The following SCUBE1 variants were observed in gnomAD, a reference collection of about 807,000 sequenced individuals.
The protein encoded by SCUBE1 is signal peptide, CUB domain and EGF like domain containing 1.
Under a neutral mutation model 124.4 loss-of-function variants are expected in SCUBE1, and 59 were observed. The observed-to-expected ratio is 0.47, with a 90% CI of 0.38 to 0.59. The LOEUF is 0.59. Among genes scored for constraint, SCUBE1 ranks in the 20% least tolerant of loss-of-function variants. SCUBE1 has a pLI of 0.00. For synonymous variants in SCUBE1, 545 were observed against 550.9 expected (o/e 0.99, Z 0.15); for missense variants, 1,150 against 1,371.2 (o/e 0.84, Z 2.55).
At chr22:43,322,306 A>G (rs1392259338) in intron 2 of SCUBE1, among the ~76,000 whole-genome samples, 2 of 152,062 alleles carry the variant, frequency 1.3e-5, no homozygotes, top group Non-Finnish European at 2.9e-5. Flanking sequence ...ACTGAGAGAT[A>G]CTGATTACTT....
At chr22:43,340,700 A>G (rs1927285576) in intron 1 of SCUBE1, among the ~76,000 whole-genome samples, 1 of 152,168 alleles carries the variant, frequency 6.6e-6, no homozygotes, top group South Asian at 2.1e-4. Flanking sequence ...CTGGACTCTG[A>G]CACAGAATGA....
intron 2 of SCUBE1, among the ~76,000 whole-genome samples, chr22:43,324,090 C>T (rs1259415769): frequency 6.6e-6 from 1 of 152,186 alleles, no homozygotes; most frequent in Non-Finnish European, 1.5e-5. Context: ...TAGGGGATGT[C>T]TTCCCCTAGT....
At chr22:43,264,187 T>C (rs1002574874) in intron 4 of SCUBE1, among the ~76,000 whole-genome samples, 4 of 152,218 alleles carry the variant, frequency 2.6e-5, no homozygotes, top group African/African-American at 2.4e-5. Flanking sequence ...GTCCCTTTCT[T>C]AGAAAGGTCG....
intron 10 of SCUBE1, among the ~76,000 whole-genome samples, chr22:43,223,647 C>G (rs1402578424): frequency 6.6e-6 from 1 of 152,204 alleles, no homozygotes; most frequent in Non-Finnish European, 1.5e-5. Flanking sequence ...TCTGGAGAAA[C>G]AGCCCTCCAG....
At chr22:43,261,304 C>T (rs553381686) in intron 5 of SCUBE1, among the ~76,000 whole-genome samples, 7 of 152,220 alleles carry the variant, frequency 4.6e-5, no homozygotes, top group African/African-American at 1.7e-4. Flanking sequence ...CGAGACTGCC[C>T]GTTTGGTCCT....
Position 43,238,922 on chromosome 22 carries a change from G to C in SCUBE1, c.760C>G (p.Arg254Gly). Residue 254 changes from arginine (R) to glycine (G), a missense_variant, in exon 7 of 22, where the codon CGG becomes GGG. Transcript: ENST00000360835. ...TCAVNNGGCDRTCKDTATGVR... is the reference protein window; with the variant it reads ...TCAVNNGGCDGTCKDTATGVR... ...CCAGTGGCTGTGTCCTTGCATGTCC[G>C]GTCGCAGCCTCCGTTATTGACTGCG... 1 of 1,613,060 alleles carries C rather than the reference G, an allele frequency of 6.2e-7. No homozygotes were observed. Among genetic ancestry groups the C allele is most frequent in the Non-Finnish European group, 8.5e-7 (1 of 1,179,962 alleles).
chr22:43,315,991 G>A (rs1254330576), intron 3 of SCUBE1, among the ~76,000 whole-genome samples: 1 of 152,172 alleles, frequency 6.6e-6, no homozygotes, highest in East Asian at 1.9e-4. Flanking sequence ...CCACGTGTCA[G>A]GCACAGCCGT....
At chr22:43,305,684 G>A (rs1479063314) in intron 3 of SCUBE1, among the ~76,000 whole-genome samples, 1 of 152,192 alleles carries the variant, frequency 6.6e-6, no homozygotes, top group African/African-American at 2.4e-5. Flanking sequence ...GCCCTGGGGA[G>A]GGTCCCACTC....
chr22:43,238,765 G>T, intron 7 of SCUBE1, 73 bp downstream of exon 7: 1 of 1,250,324 alleles, frequency 8.0e-7, no homozygotes, highest in Non-Finnish European at 1.2e-6. Context: ...CCTGGGCCCG[G>T]CTATGCAAGC....
chr22:43,274,020 G>A (rs1481983518), intron 4 of SCUBE1, among the ~76,000 whole-genome samples: 1 of 152,120 alleles, frequency 6.6e-6, no homozygotes, highest in Admixed American at 6.5e-5. Flanking sequence ...CCCCTGCCCT[G>A]CCTCGTTTCT....
rs1374714638 is a variant in SCUBE1 at position 43,242,354 on chromosome 22, T to A, written c.728-3400A>T. ...CTCAGGACCAGAGGCCACCCAGACCTGGTATTAGGCCACAGCTGTCTCAGA... is the reference window on the plus strand; with the variant it reads ...CTCAGGACCAGAGGCCACCCAGACCAGGTATTAGGCCACAGCTGTCTCAGA... On this transcript the variant is annotated intron_variant, in intron 6 of 21. Transcript: ENST00000360835. 2.0e-5 allele frequency among the ~76,000 whole-genome samples: 3 copies of A among 152,160 alleles called. No individual in the cohort carries two copies. The East Asian group carries it at 5.8e-4, about 29-fold the overall frequency.
At position 43,214,194 on chromosome 22, in the gene SCUBE1, A is replaced by T. The variant is rs1454582276; in HGVS notation, c.1949T>A (p.Met650Lys). The change falls in exon 16 of 22, where the codon ATG (methionine) becomes AAG (lysine). Residue 650 changes from methionine to lysine, a missense_variant. Around this residue, in one of 3 missense-constraint regions of SCUBE1, gnomAD observed 757 missense variants for 840.9 expected, o/e 0.90. Coordinates refer to ENST00000360835, the MANE Select transcript of SCUBE1 (RefSeq NM_173050.5). ...TTCCATGTCCTGGTATGTTCCTGGC[A>T]TACATGACACACACTGGCCGAGCTC... ...GGELGQCVSCMPGTYQDMEGQ... is the reference protein window; with the variant it reads ...GGELGQCVSCKPGTYQDMEGQ... 1 of 1,613,126 alleles carries T rather than the reference A, an allele frequency of 6.2e-7. No homozygotes were observed. The highest frequency in any genetic ancestry group is 8.5e-7 in the Non-Finnish European group (1 of 1,179,918).
chr22:43,341,034 T>C (rs990439364), intron 1 of SCUBE1, among the ~76,000 whole-genome samples: 4 of 145,522 alleles, frequency 2.7e-5, no homozygotes, highest in Non-Finnish European at 6.1e-5. Context: ...TGCCCACCCC[T>C]GAAGGAAGAG....
At chr22:43,285,431 G>A (rs187356688) in intron 4 of SCUBE1, among the ~76,000 whole-genome samples, 36 of 152,300 alleles carry the variant, frequency 2.4e-4, no homozygotes, top group Non-Finnish European at 5.1e-4. Context: ...CAGAGATGTG[G>A]GGAACATAGT....
Position 43,238,785 on chromosome 22 carries a change from C to T in SCUBE1, c.844+53G>A, listed in dbSNP as rs562012352. Reference sequence around the variant, plus strand: ...GCCCGGCTATGCAAGCACACGGAGGCTCTTGGCCAGGCCAGTACAGGCAGG... The same window carrying T: ...GCCCGGCTATGCAAGCACACGGAGGTTCTTGGCCAGGCCAGTACAGGCAGG... On this transcript the variant is annotated intron_variant, in intron 7 of 21. Transcript: ENST00000360835. 3.5e-6 allele frequency: 5 copies of T among 1,445,988 alleles called. No homozygotes were observed. The Admixed American group carries it at 6.7e-5, about 19-fold the overall frequency. 89.6% of individuals were successfully genotyped at this position (1,445,988 alleles called of 1,614,324 possible). A position where few individuals can be genotyped will look rare whatever the true frequency, so the allele number is the denominator to read the frequency against.
chr22:43,250,557 T>C (rs1352834480), intron 6 of SCUBE1, among the ~76,000 whole-genome samples: 1 of 152,166 alleles, frequency 6.6e-6, no homozygotes, highest in Non-Finnish European at 1.5e-5. Context: ...TCGGACAAGG[T>C]GGAGCAGTTC....
In SCUBE1 at chr22:43,207,524, A is replaced by C. The variant is rs1921339608; in HGVS notation, c.2814+10T>G. 1.2e-6 allele frequency: 2 copies of C among 1,607,210 alleles called. No individual in the cohort carries two copies. The highest frequency in any genetic ancestry group is 2.7e-5 in the African/African-American group (2 of 74,714). On this transcript the variant is annotated intron_variant, in intron 21 of 21. Coordinates refer to ENST00000360835, the MANE Select transcript of SCUBE1 (RefSeq NM_173050.5). ...GGTTACGTGGATTCCCTTCCAATAA[A>C]CTCACTCACTTTCAAAATTTCCTGG...
chr22:43,273,992 C>A (rs901586950), intron 4 of SCUBE1, among the ~76,000 whole-genome samples: 1 of 152,190 alleles, frequency 6.6e-6, no homozygotes, highest in Admixed American at 6.5e-5. Context: ...CCCCTGCCTG[C>A]TGGCTCCTCA....
intron 4 of SCUBE1, among the ~76,000 whole-genome samples, chr22:43,289,439 C>T (rs2146749879): frequency 6.6e-6 from 1 of 152,350 alleles, no homozygotes; most frequent in African/African-American, 2.4e-5. Flanking sequence ...AGCCACGGAG[C>T]TCGGGCTTTC....
Sources: gnomAD v4.1 joint callset for allele counts (sites outside exome capture counted in the v4.1 genomes callset) on GRCh38, gnomAD v4.1.1 for gene constraint, gnomAD v4.1.1 regional missense constraint, MANE v1.5 for transcripts, NCBI Gene and HGNC (gene_info 2026-07-23, HGNC 2026-07-21) for gene names.